The following TRPM6 variants were observed in gnomAD, a reference collection of about 807,000 sequenced individuals.
The protein encoded by TRPM6 is channel kinase 2.
TRPM6 carries 111 observed loss-of-function variants against 247.6 expected under a neutral mutation model. That is an observed-to-expected ratio of 0.45 (90% CI 0.38 to 0.52). TRPM6 has a LOEUF of 0.52. TRPM6 is among the 20% of genes least tolerant of loss of function. The probability of loss-of-function intolerance (pLI) is 0.00; values close to 1 mark genes in which losing one functional copy is unlikely to be tolerated. For missense variants in TRPM6, 2,126 were observed against 2,421.5 expected, an observed-to-expected ratio of 0.88 and a Z score of 2.56; for synonymous variants, 892 against 853.8, an observed-to-expected ratio of 1.04 and a Z score of -0.78.
intron 14 of TRPM6, chr9:74,804,765 T>C (rs983385659): frequency 1.2e-5 from 9 of 753,038 alleles, no homozygotes; most frequent in Non-Finnish European, 1.9e-5. Context: ...AACCACTGAA[T>C]GGTCTTAAGC....
At chr9:74,767,623 C>T (rs982548531) in intron 25 of TRPM6, among the ~76,000 whole-genome samples, 5 of 152,152 alleles carry the variant, frequency 3.3e-5, no homozygotes, top group African/African-American at 1.2e-4. Context: ...AAGAACAGTG[C>T]CACTGAGATA....
intron 3 of TRPM6, among the ~76,000 whole-genome samples, chr9:74,845,377 A>G (rs1830077034): frequency 1.6e-5 from 1 of 63,248 alleles, no homozygotes; most frequent in African/African-American, 6.7e-5. Flanking sequence ...CACAAAGTGG[A>G]AGCAACCCAA....
At chr9:74,873,211 C>T (rs974420499) in intron 1 of TRPM6, among the ~76,000 whole-genome samples, 3 of 152,256 alleles carry the variant, frequency 2.0e-5, no homozygotes, top group Admixed American at 6.5e-5. Flanking sequence ...TTCCTTTCTC[C>T]GCCAACTTAG....
chr9:74,731,693 T>C (rs989863883), intron 37 of TRPM6, among the ~76,000 whole-genome samples: 3 of 148,424 alleles, frequency 2.0e-5, no homozygotes, highest in Non-Finnish European at 3.0e-5. Flanking sequence ...TATGTAGTTA[T>C]ACATATAATA....
At chr9:74,837,914 T>C (rs1315762862) in intron 5 of TRPM6, among the ~76,000 whole-genome samples, 1 of 152,060 alleles carries the variant, frequency 6.6e-6, no homozygotes, top group Non-Finnish European at 1.5e-5. Flanking sequence ...CACATCCAGC[T>C]AATTTCTGCA....
At chr9:74,796,530 A>G (rs1215978266) in intron 18 of TRPM6, among the ~76,000 whole-genome samples, 1 of 152,252 alleles carries the variant, frequency 6.6e-6, no homozygotes, top group East Asian at 1.9e-4. Context: ...TGACCATAGC[A>G]TAATATGATT....
intron 25 of TRPM6, among the ~76,000 whole-genome samples, chr9:74,768,998 T>C (rs535157131): frequency 2.6e-5 from 4 of 152,312 alleles, no homozygotes; most frequent in Non-Finnish European, 5.9e-5. Context: ...AAAAAGAAAT[T>C]ATACTAACAA....
chr9:74,809,363 G>T (rs1374290043), intron 13 of TRPM6, among the ~76,000 whole-genome samples: 1 of 152,136 alleles, frequency 6.6e-6, no homozygotes, highest in Non-Finnish European at 1.5e-5. Context: ...AATTTTTAAA[G>T]GCACACAGAG....
intron 1 of TRPM6, among the ~76,000 whole-genome samples, chr9:74,886,372 C>G (rs1036366048): frequency 5.3e-5 from 8 of 152,196 alleles, no homozygotes; most frequent in African/African-American, 1.9e-4. Flanking sequence ...AGTGAAACAT[C>G]AAAATCTGTA....
At chr9:74,800,526 G>C in intron 16 of TRPM6, 44 bp from the exon 17 acceptor site, 2 of 1,317,174 alleles carry the variant, frequency 1.5e-6, no homozygotes, top group Middle Eastern at 1.8e-4. Flanking sequence ...GCAGGTGAGA[G>C]AGCTGCATTA....
intron 23 of TRPM6, among the ~76,000 whole-genome samples, chr9:74,778,463 G>T (rs1448922531): frequency 6.6e-6 from 1 of 152,186 alleles, no homozygotes; most frequent in Admixed American, 6.5e-5. Context: ...GTTGGCTCAG[G>T]GGGCACCAGC....
At position 74,762,662 on chromosome 9, in the gene TRPM6, C is replaced by T. The variant is rs765205083; in HGVS notation, c.4009G>A (p.Ala1337Thr). The T allele has an allele frequency of 1.5e-5, 25 of 1,614,070 alleles. No individual in the cohort carries two copies. The highest frequency in any genetic ancestry group is 1.7e-5 in the Admixed American group (1 of 59,998). Residue 1337 changes from alanine (A) to threonine (T), a missense_variant, in exon 26 of 39, where the codon GCA becomes ACA. Coordinates refer to ENST00000360774, the MANE Select transcript of TRPM6 (RefSeq NM_017662.5). The stretch of plus-strand genomic sequence containing the variant: ...AGAAACTGGCCATACTTTGAGTGTG[C>T]TTGCCTGTTAGGAGACACCCCAGAA... ...VVSGVSPNRQ[A>T]HSKYGQFLLV...
Position 74,736,143 on chromosome 9 carries a change from G to A in TRPM6, c.5776+2264C>T, listed in dbSNP as rs80004287. ...ACATTTACTGAAGGCGGTGTATCAG[G>A]AACTTGTCTCAATTCTTGCCCTTAA... On this transcript the variant is annotated intron_variant, in intron 36 of 38. Coordinates refer to ENST00000360774, the MANE Select transcript of TRPM6 (RefSeq NM_017662.5). Among the ~76,000 whole-genome samples, 272 of 152,288 alleles carry A rather than the reference G, an allele frequency of 1.8e-3. 1 individual carries two copies. The Middle Eastern group carries it at 0.024, about 13-fold the overall frequency.
At chr9:74,729,017 T>C (rs1438276358) in intron 37 of TRPM6, among the ~76,000 whole-genome samples, 1 of 152,194 alleles carries the variant, frequency 6.6e-6, no homozygotes, top group East Asian at 1.9e-4. Context: ...ACCTTTTGAA[T>C]ACTCTATAAT....
intron 23 of TRPM6, among the ~76,000 whole-genome samples, chr9:74,778,592 G>T (rs985624608): frequency 6.6e-6 from 1 of 152,174 alleles, no homozygotes; most frequent in African/African-American, 2.4e-5. Flanking sequence ...TGGCTTCAAG[G>T]CTGTTCTCTG....
chr9:74,806,902 T>A (rs1055383726), intron 14 of TRPM6, among the ~76,000 whole-genome samples: 1 of 152,220 alleles, frequency 6.6e-6, no homozygotes, highest in African/African-American at 2.4e-5. Flanking sequence ...GACTTCGTAC[T>A]GGCAGGCCAT....
intron 24 of TRPM6, among the ~76,000 whole-genome samples, chr9:74,772,543 A>G (rs1360834788): frequency 6.6e-6 from 1 of 152,238 alleles, no homozygotes; most frequent in Non-Finnish European, 1.5e-5. Context: ...ATAATTTGAT[A>G]CATTCATATA....
intron 33 of TRPM6, among the ~76,000 whole-genome samples, chr9:74,740,467 G>C (rs1221120927): frequency 6.6e-6 from 1 of 152,190 alleles, no homozygotes; most frequent in African/African-American, 2.4e-5. Flanking sequence ...CTTAGGACCA[G>C]AAGTGTTTCA....
rs2118294807 is a variant in TRPM6, at chr9:74,851,914, C to G, written c.152+3613G>C. Among the ~76,000 whole-genome samples the G allele has an allele frequency of 2.0e-5, 3 of 151,402 alleles. 1 individual carries two copies. The South Asian group carries it at 6.2e-4, about 31-fold the overall frequency. ...GCCGAGGCAGGAGGATCACTCAAGG[C>G]CAGGAGTTCTAGAACAGCCTGGGCA... On this transcript the variant is annotated intron_variant, in intron 3 of 38. Coordinates refer to ENST00000360774, the MANE Select transcript of TRPM6 (RefSeq NM_017662.5).
Sources: allele counts gnomAD v4.1 joint callset (sites outside exome capture counted in the v4.1 genomes callset), GRCh38; gene constraint gnomAD v4.1.1; transcripts MANE v1.5; gene names NCBI Gene and HGNC (gene_info 2026-07-23, HGNC 2026-07-21).